RARB: variants seen among roughly 807,000 people sequenced by gnomAD.
RARB encodes HBV-activated protein.
RARB carries 17 observed loss-of-function variants against 51.9 expected under a neutral mutation model. The ratio of observed to expected loss-of-function variants is 0.33; its 90% CI spans 0.22 to 0.49. RARB has a LOEUF of 0.49. RARB is among the 20% of genes least tolerant of loss of function. The probability of loss-of-function intolerance (pLI) is 0.99; values close to 1 mark genes in which losing one functional copy is unlikely to be tolerated. For missense variants in RARB, 369 were observed against 550.8 expected (o/e 0.67, Z 3.30); for synonymous variants, 215 against 195.4 (o/e 1.10, Z -0.84).
intron 2 of RARB, among the ~76,000 whole-genome samples, chr3:24,910,406 T>G (rs921950544): frequency 1.3e-5 from 2 of 152,200 alleles, no homozygotes; most frequent in Admixed American, 1.3e-4. Flanking sequence ...TCATTTAAGG[T>G]AAATAAACAC....
chr3:25,068,062 A>C (rs1475709150), intron 3 of RARB, among the ~76,000 whole-genome samples: 2 of 139,782 alleles, frequency 1.4e-5, no homozygotes, highest in African/African-American at 5.3e-5. Context: ...TGAACCCAGG[A>C]GGTGGAGGTT....
rs570069021 is a variant in RARB at position 25,183,851 on chromosome 3, G to A, written c.178+9276G>A. ...CTTATTGTCTTCTCCCTTATATTTAGAGCTAATTTTGTTATGTAATTAGTT... is the reference window on the plus strand; with the variant it reads ...CTTATTGTCTTCTCCCTTATATTTAAAGCTAATTTTGTTATGTAATTAGTT... On this transcript the variant is annotated intron_variant, in intron 5 of 11. Transcript: ENST00000383772. Among the ~76,000 whole-genome samples the A allele has an allele frequency of 2.6e-5, 4 of 152,038 alleles. No individual in the cohort carries two copies. In the South Asian group the frequency reaches 6.2e-4, roughly 24 times the overall value.
chr3:25,296,376 A>G (rs186526419), intron 5 of RARB, among the ~76,000 whole-genome samples: 2 of 152,280 alleles, frequency 1.3e-5, no homozygotes, highest in African/African-American at 4.8e-5. Context: ...TGGGAAATGA[A>G]AGGTGGGAAG....
intron 2 of RARB, among the ~76,000 whole-genome samples, chr3:25,055,526 T>A (rs1454974256): frequency 6.6e-6 from 1 of 152,168 alleles, no homozygotes; most frequent in Non-Finnish European, 1.5e-5. Flanking sequence ...ACAGGGTCTC[T>A]GGAAGAGTTG....
At chr3:24,917,189 C>T (rs1292637330) in intron 2 of RARB, among the ~76,000 whole-genome samples, 4 of 151,962 alleles carry the variant, frequency 2.6e-5, no homozygotes, top group Admixed American at 6.6e-5. Flanking sequence ...TTACCCTTGC[C>T]ATATGCAAAC....
At position 25,521,486 on chromosome 3, in the gene RARB, T is replaced by A. The variant is rs182948619; in HGVS notation, c.448+20163T>A. Among the ~76,000 whole-genome samples the A allele has an allele frequency of 7.2e-5, 11 of 152,288 alleles. No homozygotes were observed. In the East Asian group the frequency reaches 2.1e-3, roughly 29 times the overall value. Reference sequence around the variant, plus strand: ...GGTGCCTCTGACAGCTTCTAGGATATTCTGGGGGAAAAAATAAGATATGAG... The same window carrying A: ...GGTGCCTCTGACAGCTTCTAGGATAATCTGGGGGAAAAAATAAGATATGAG... On this transcript the variant is annotated intron_variant, in intron 3 of 7. Transcript: ENST00000330688.
chr3:25,541,815 A>G (rs1295631616), intron 3 of RARB, among the ~76,000 whole-genome samples: 1 of 152,154 alleles, frequency 6.6e-6, no homozygotes, highest in Non-Finnish European at 1.5e-5. Context: ...TGCTTTACAG[A>G]ACAACCCTCC....
At chr3:25,306,158 G>A (rs900085393) in intron 5 of RARB, among the ~76,000 whole-genome samples, 5 of 152,112 alleles carry the variant, frequency 3.3e-5, no homozygotes, top group African/African-American at 1.2e-4. Flanking sequence ...CCCATTTTTG[G>A]AGAAGGAAAG....
intron 4 of RARB, among the ~76,000 whole-genome samples, chr3:25,132,550 T>G (rs567301172): frequency 6.6e-6 from 1 of 152,038 alleles, no homozygotes; most frequent in East Asian, 1.9e-4. Flanking sequence ...TTGCAATTGA[T>G]TCTCTCAAAA....
At chr3:25,042,160 G>T (rs962305062) in intron 2 of RARB, among the ~76,000 whole-genome samples, 2 of 152,148 alleles carry the variant, frequency 1.3e-5, no homozygotes, top group African/African-American at 4.8e-5. Context: ...TTCTAAAAAA[G>T]CTGGATATCT....
At chr3:25,052,300 C>G (rs1364318596) in intron 2 of RARB, among the ~76,000 whole-genome samples, 1 of 152,176 alleles carries the variant, frequency 6.6e-6, no homozygotes, top group South Asian at 2.1e-4. Flanking sequence ...ACCATCACAC[C>G]TAACTGCCTC....
chr3:25,260,397 C>T (rs1246792353), intron 5 of RARB, among the ~76,000 whole-genome samples: 1 of 152,090 alleles, frequency 6.6e-6, no homozygotes, highest in African/African-American at 2.4e-5. Flanking sequence ...CATACAAAAA[C>T]CAAGCAACTG....
At chr3:25,203,530 T>C (rs1008558928) in intron 5 of RARB, among the ~76,000 whole-genome samples, 2 of 152,226 alleles carry the variant, frequency 1.3e-5, no homozygotes. Context: ...CTAGCCTTGA[T>C]GGTCTTTACA....
At chr3:25,271,047 AC>A (rs75974542) in intron 5 of RARB, among the ~76,000 whole-genome samples, 58,762 of 152,102 alleles carry the variant, frequency 0.39, 13,241 homozygotes, top group East Asian at 0.68. Context: ...CTAGTGAAAT[AC>A]AAATGATATT....
At chr3:25,578,362 T>C (rs919970794) in intron 4 of RARB, among the ~76,000 whole-genome samples, 34 of 152,362 alleles carry the variant, frequency 2.2e-4, no homozygotes, top group African/African-American at 7.7e-4. Context: ...CGGCTGTGCA[T>C]TATTTTTAAT....
At chr3:25,070,934 G>A (rs1392968229) in intron 3 of RARB, among the ~76,000 whole-genome samples, 1 of 152,182 alleles carries the variant, frequency 6.6e-6, no homozygotes, top group Non-Finnish European at 1.5e-5. Flanking sequence ...AGCCTTTAAA[G>A]CGTAGCCAGA....
At chr3:24,905,538 G>A (rs1172974693) in intron 2 of RARB, among the ~76,000 whole-genome samples, 1 of 152,198 alleles carries the variant, frequency 6.6e-6, no homozygotes, top group South Asian at 2.1e-4. Context: ...AGACACTGGG[G>A]GAGATTACTA....
In RARB at chr3:25,428,807, T is replaced by G; in HGVS notation, c.76T>G (p.Cys26Gly). 6.2e-7 allele frequency: 1 copy of G among 1,614,184 alleles called. No individual in the cohort carries two copies. Among genetic ancestry groups the G allele is most frequent in the Non-Finnish European group, 8.5e-7 (1 of 1,180,028 alleles). The change falls in exon 1 of 8, where the codon TGC becomes GGC. Residue 26 changes from cysteine (C) to glycine (G), a missense_variant. Transcript: ENST00000330688. Reference protein sequence around the residue: ...LDFYTASPSSCMLQEKALKAC... With the variant: ...LDFYTASPSSGMLQEKALKAC... ...TTTCTACACTGCGAGTCCGTCTTCC[T>G]GCATGCTCCAGGAGAAAGCTCTCAA...
In RARB at chr3:25,269,124, T is replaced by C. The variant is rs546329340; in HGVS notation, c.178+94549T>C. Among the ~76,000 whole-genome samples the C allele has an allele frequency of 7.2e-5, 11 of 152,226 alleles. No homozygotes were observed. The East Asian group carries it at 2.1e-3, about 29-fold the overall frequency. ...GTCAAACCAATATGGCATGGTACAG[T>C]AGAATATAATTTTTCAAGTATGTGC... On this transcript the variant is annotated intron_variant, in intron 5 of 11. Transcript: ENST00000383772.
Sources: gnomAD v4.1 joint callset for allele counts (sites outside exome capture counted in the v4.1 genomes callset) on GRCh38, gnomAD v4.1.1 for gene constraint, MANE v1.5 for transcripts, NCBI Gene and HGNC (gene_info 2026-07-23, HGNC 2026-07-21) for gene names.